Variants in SLIT3 observed in about 807,000 individuals in gnomAD.
SLIT3 encodes slit homolog 3 protein.
Under a neutral mutation model 184.0 loss-of-function variants are expected in SLIT3, and 68 were observed. That is an observed-to-expected ratio of 0.37 (90% CI 0.30 to 0.45). SLIT3 has a LOEUF of 0.45. SLIT3 is among the 20% of genes least tolerant of loss of function. The pLI is 1.00. For synonymous variants in SLIT3, 831 were observed against 828.6 expected (o/e 1.00, Z -0.05); for missense variants, 1,707 against 2,026.0 (o/e 0.84, Z 3.02).
At chr5:168,687,140 C>T (rs41283171) in intron 29 of SLIT3, 24 bp from the exon 30 acceptor site, 24 of 1,608,272 alleles carry the variant, frequency 1.5e-5, no homozygotes, top group Non-Finnish European at 2.0e-5. Flanking sequence ...AGAGGCAAGG[C>T]CGTTCCTCAA....
At chr5:169,136,547 C>T (rs145359707) in intron 4 of SLIT3, among the ~76,000 whole-genome samples, 3 of 152,152 alleles carry the variant, frequency 2.0e-5, no homozygotes, top group Middle Eastern at 3.2e-3. Context: ...ACAATAGTCC[C>T]GTCGTGGGTC....
intron 4 of SLIT3, among the ~76,000 whole-genome samples, chr5:169,160,626 C>T (rs926952987): frequency 3.9e-5 from 6 of 152,166 alleles, no homozygotes; most frequent in African/African-American, 1.4e-4. Flanking sequence ...TTATAAAGGC[C>T]TCATGGTGCC....
At chr5:169,181,769 A>T (rs1181217902) in intron 4 of SLIT3, among the ~76,000 whole-genome samples, 1 of 148,150 alleles carries the variant, frequency 6.7e-6, no homozygotes, top group Admixed American at 6.7e-5. Flanking sequence ...TTGAAGTTAG[A>T]TTTATCTGAG....
intron 4 of SLIT3, among the ~76,000 whole-genome samples, chr5:168,912,797 C>T (rs1761294674): frequency 1.3e-5 from 2 of 152,160 alleles, no homozygotes; most frequent in Admixed American, 6.5e-5. Flanking sequence ...CTCCCCACAT[C>T]ACCATCCTCA....
chr5:169,213,597 C>T (rs1038789224), intron 3 of SLIT3, among the ~76,000 whole-genome samples: 1 of 152,182 alleles, frequency 6.6e-6, no homozygotes, highest in African/African-American at 2.4e-5. Context: ...TCTTCCTTGA[C>T]CATCCCATTA....
chr5:169,080,572 G>C (rs1758992941), intron 4 of SLIT3, among the ~76,000 whole-genome samples: 1 of 152,180 alleles, frequency 6.6e-6, no homozygotes. Flanking sequence ...CGAGGTGAGA[G>C]CTATAAAGCA....
chr5:169,035,303 G>A (rs901773259), intron 4 of SLIT3, among the ~76,000 whole-genome samples: 2 of 151,960 alleles, frequency 1.3e-5, no homozygotes, highest in Admixed American at 1.3e-4. Context: ...ACTACTGATG[G>A]CAACATTGAA....
chr5:169,063,634 T>C (rs1758250428), intron 4 of SLIT3, among the ~76,000 whole-genome samples: 1 of 152,238 alleles, frequency 6.6e-6, no homozygotes, highest in Non-Finnish European at 1.5e-5. Context: ...AGGGAGATCC[T>C]AGTGAAAGTT....
chr5:169,097,603 G>A (rs531829456), intron 4 of SLIT3, among the ~76,000 whole-genome samples: 1 of 147,056 alleles, frequency 6.8e-6, no homozygotes, highest in Admixed American at 7.2e-5. Flanking sequence ...GACTACCAGG[G>A]AGATGTTTAT....
intron 4 of SLIT3, among the ~76,000 whole-genome samples, chr5:169,071,509 G>T (rs1370242647): frequency 6.6e-6 from 1 of 152,156 alleles, no homozygotes; most frequent in African/African-American, 2.4e-5. Flanking sequence ...AGCGATAAAT[G>T]ACTATAGTGG....
In SLIT3 at chr5:168,993,673, GA is replaced by G. The variant is rs11428012; in HGVS notation, c.414-110338del. On this transcript the variant is annotated intron_variant, in intron 4 of 35. Coordinates refer to ENST00000519560, the MANE Select transcript of SLIT3 (RefSeq NM_003062.4). ...TCTCATATACTTTCTAAGTACACAG[GA>G]AAAAAAAAAAAACTCCTGACTAAAT... is the stretch of plus-strand genomic sequence containing the variant. Among the ~76,000 whole-genome samples, 71 of 145,302 alleles carry G rather than the reference GA, an allele frequency of 4.9e-4. 1 individual carries two copies. Among genetic ancestry groups the G allele is most frequent in the Middle Eastern group, 7.1e-3 (2 of 280 alleles).
chr5:169,034,974 GT>G lies in SLIT3; in HGVS notation c.414-151639del, dbSNP rs531995916. 8.6e-4 allele frequency among the ~76,000 whole-genome samples: 130 copies of G among 150,396 alleles called. 2 individuals carry two copies. Among genetic ancestry groups the G allele is most frequent in the Admixed American group, 8.5e-3 (127 of 14,996 alleles). On this transcript the variant is annotated intron_variant, in intron 4 of 35. Coordinates refer to ENST00000519560, the MANE Select transcript of SLIT3 (RefSeq NM_003062.4). ...GTGTGTGTGTTTTGGTAGAGACGGGGTTTTGTCATGTTGCCCAGGCTGGTCT... is the reference window on the plus strand; with the variant it reads ...GTGTGTGTGTTTTGGTAGAGACGGGGTTTGTCATGTTGCCCAGGCTGGTCT...
intron 4 of SLIT3, among the ~76,000 whole-genome samples, chr5:169,072,064 C>T (rs1360431546): frequency 6.6e-6 from 1 of 152,174 alleles, no homozygotes; most frequent in African/African-American, 2.4e-5. Flanking sequence ...AGAATGACCA[C>T]ATCCAGATTC....
chr5:168,957,309 T>C (rs145152611), intron 4 of SLIT3, among the ~76,000 whole-genome samples: 2,001 of 152,068 alleles, frequency 0.013, 54 homozygotes, highest in African/African-American at 0.046. Flanking sequence ...CAAGTGATCT[T>C]CTGCTTTGGA....
intron 32 of SLIT3, among the ~76,000 whole-genome samples, chr5:168,679,026 A>G (rs1335015117): frequency 6.6e-6 from 1 of 152,192 alleles, no homozygotes; most frequent in Admixed American, 6.5e-5. Context: ...AACCACAGGC[A>G]TTGGCCAGAG....
intron 4 of SLIT3, among the ~76,000 whole-genome samples, chr5:169,061,793 TCATGACG>T (rs1217037260): frequency 2.6e-5 from 4 of 152,128 alleles, no homozygotes; most frequent in Admixed American, 1.3e-4. Flanking sequence ...TCATCTCAGA[TCATGACG>T]GATACCCTCA....
chr5:168,752,679 G>A, intron 18 of SLIT3: 1 of 426,326 alleles, frequency 2.3e-6, no homozygotes, highest in Non-Finnish European at 4.3e-6. Context: ...ACAGGCGTGA[G>A]CCACCATGCC....
chr5:169,059,586 A>G (rs1758113807), intron 4 of SLIT3, among the ~76,000 whole-genome samples: 1 of 152,204 alleles, frequency 6.6e-6, no homozygotes, highest in African/African-American at 2.4e-5. Flanking sequence ...TCCAGCCCAC[A>G]CATGTAATTA....
chr5:168,908,214 C>T (rs957065733), intron 4 of SLIT3, among the ~76,000 whole-genome samples: 1 of 151,958 alleles, frequency 6.6e-6, no homozygotes, highest in Non-Finnish European at 1.5e-5. Flanking sequence ...TCTGAATACT[C>T]GTCTTTTTAA....
Sources: allele counts gnomAD v4.1 joint callset (sites outside exome capture counted in the v4.1 genomes callset), GRCh38; gene constraint gnomAD v4.1.1; transcripts MANE v1.5; gene names NCBI Gene and HGNC (gene_info 2026-07-23, HGNC 2026-07-21).